Variants in PRKAG2 observed in about 807,000 individuals in gnomAD.
PRKAG2 encodes the protein protein kinase AMP-activated non-catalytic subunit gamma 2.
In PRKAG2, 26 loss-of-function variants were observed where a neutral mutation model predicts 69.6. That is an observed-to-expected ratio of 0.37 (90% CI 0.27 to 0.52). PRKAG2 has a LOEUF of 0.52. Among genes scored for constraint, PRKAG2 ranks in the 20% least tolerant of loss-of-function variants. The pLI is 0.90. For missense variants in PRKAG2, 557 were observed against 740.0 expected (o/e 0.75, Z 2.87); for synonymous variants, 293 against 285.0 (o/e 1.03, Z -0.28).
intron 3 of PRKAG2, among the ~76,000 whole-genome samples, chr7:151,706,846 T>C (rs1838715641): frequency 2.0e-5 from 3 of 152,188 alleles, no homozygotes; most frequent in Admixed American, 2.0e-4. Flanking sequence ...TCCCCATGCA[T>C]CTCAGCCCAA....
At chr7:151,675,695 G>T in intron 3 of PRKAG2, 58 bp from the exon 4 acceptor site, 1 of 1,491,780 alleles carries the variant, frequency 6.7e-7, no homozygotes, top group Non-Finnish European at 9.3e-7. Context: ...GGACGTCGGG[G>T]GTGGTCAGAG....
intron 3 of PRKAG2, among the ~76,000 whole-genome samples, chr7:151,693,684 G>A (rs1836076033): frequency 6.6e-6 from 1 of 152,186 alleles, no homozygotes; most frequent in Non-Finnish European, 1.5e-5. Flanking sequence ...GGTGTTAGGA[G>A]GCCGGGCCTT....
Position 151,807,237 on chromosome 7 carries a change from T to C in PRKAG2, c.115-20696A>G, listed in dbSNP as rs1326580459. 1 of 374,018 alleles carries C rather than the reference T, an allele frequency of 2.7e-6. No individual in the cohort carries two copies. The highest frequency in any genetic ancestry group is 2.1e-5 in the African/African-American group (1 of 47,226). 23.2% of individuals were successfully genotyped at this position (374,018 alleles called of 1,614,324 possible). On this transcript the variant is annotated intron_variant, in intron 1 of 15. Coordinates refer to ENST00000287878, the MANE Select transcript of PRKAG2 (RefSeq NM_016203.4). The surrounding 1 kb of genome is among the most constrained non-coding windows in gnomAD (Gnocchi z 4.4). ...GCATTATATGTAAATCACACCTCAA[T>C]AAAGCTGACCAAAAAGTGGCCAGTC...
chr7:151,675,547 C>G lies in PRKAG2; in HGVS notation c.557G>C (p.Arg186Pro). The G allele has an allele frequency of 6.2e-7, 1 of 1,614,110 alleles. No individual in the cohort carries two copies. The highest frequency in any genetic ancestry group is 8.5e-7 in the Non-Finnish European group (1 of 1,179,926). ...PLESYKHEPE[R>P]LENRIYASSS... is the part of the protein sequence containing the mutation. ...CGAGGCATAGATGCGATTCTCTAAC[C>G]GTTCAGGCTCGTGCTTATAGGATTC... Residue 186 changes from arginine (R) to proline (P), a missense_variant, in exon 4 of 16, where the codon CGG becomes CCG. Arg to Pro is a moderately radical substitution (Grantham distance 103). This residue lies in a region of PRKAG2 where 352 missense variants were observed against 356.7 expected (regional missense o/e 0.99). Coordinates refer to ENST00000287878, the MANE Select transcript of PRKAG2 (RefSeq NM_016203.4).
chr7:151,775,146 G>A (rs546357805), intron 3 of PRKAG2, among the ~76,000 whole-genome samples: 31 of 152,240 alleles, frequency 2.0e-4, no homozygotes, highest in Non-Finnish European at 3.8e-4. Flanking sequence ...CACACATGCT[G>A]GCCAAGGAGG....
At chr7:151,768,257 C>T (rs2075842009) in intron 3 of PRKAG2, among the ~76,000 whole-genome samples, 1 of 152,194 alleles carries the variant, frequency 6.6e-6, no homozygotes, top group Admixed American at 6.5e-5. Context: ...CTCCCCCAAA[C>T]TTCTAGGCTG....
chr7:151,602,921 G>C lies in PRKAG2; in HGVS notation c.755-7467C>G, dbSNP rs111484639. ...TGCCTCTTCCCGTTCAGCCATGATT[G>C]TAAGTTTCCTGAGGCCCCTCCAGCC... On this transcript the variant is annotated intron_variant, in intron 5 of 15. Coordinates refer to ENST00000287878, the MANE Select transcript of PRKAG2 (RefSeq NM_016203.4). Among the ~76,000 whole-genome samples the C allele has an allele frequency of 2.0e-3, 298 of 152,334 alleles. 3 individuals are homozygous for C. Among genetic ancestry groups the C allele is most frequent in the Middle Eastern group, 0.017 (5 of 294 alleles).
In PRKAG2 at chr7:151,836,825, G is replaced by C. The variant is rs956441393; in HGVS notation, c.114+39682C>G. Reference sequence around the variant, plus strand: ...TAATGTCCTGTGACAAATTCACTTAGGACTAAGAAGCCACTGAGAATATTC... The same window carrying C: ...TAATGTCCTGTGACAAATTCACTTACGACTAAGAAGCCACTGAGAATATTC... On this transcript the variant is annotated intron_variant, in intron 1 of 15. Coordinates refer to ENST00000287878, the MANE Select transcript of PRKAG2 (RefSeq NM_016203.4). This position sits in a 1 kb window ranked among gnomAD's most constrained non-coding sequence, Gnocchi z 4.1. Among the ~76,000 whole-genome samples the C allele has an allele frequency of 1.3e-5, 2 of 152,198 alleles. No individual in the cohort carries two copies. Among genetic ancestry groups the C allele is most frequent in the African/African-American group, 2.4e-5 (1 of 41,444 alleles).
Position 151,694,258 on chromosome 7 carries a change from G to A in PRKAG2, c.467-18621C>T, listed in dbSNP as rs9771283. Among the ~76,000 whole-genome samples, 248 of 152,296 alleles carry A rather than the reference G, an allele frequency of 1.6e-3. 1 individual carries two copies. Among genetic ancestry groups the A allele is most frequent in the African/African-American group, 5.6e-3 (232 of 41,558 alleles). On this transcript the variant is annotated intron_variant, in intron 3 of 15. Transcript: ENST00000287878. ...ACGAAGACGCTGAGTTAGCTAATTT[G>A]TTGATCCAAACAGTCCACTCTTTTT...
At chr7:151,867,520 GA>G (rs985231117) in intron 1 of PRKAG2, among the ~76,000 whole-genome samples, 14 of 152,242 alleles carry the variant, frequency 9.2e-5, no homozygotes, top group Admixed American at 6.5e-4. Flanking sequence ...CCTCTTCTTA[GA>G]AGGACTCCAG....
chr7:151,830,026 G>A (rs1206211287), intron 1 of PRKAG2, among the ~76,000 whole-genome samples: 8 of 151,872 alleles, frequency 5.3e-5, no homozygotes, highest in African/African-American at 1.4e-4. Flanking sequence ...CACTTTCTGC[G>A]TTATAGAATC....
At chr7:151,609,669 G>A (rs1004474161) in intron 5 of PRKAG2, among the ~76,000 whole-genome samples, 5 of 152,044 alleles carry the variant, frequency 3.3e-5, no homozygotes, top group African/African-American at 4.8e-5. Flanking sequence ...CAGAGCGTGA[G>A]GACTCACTTC....
intron 3 of PRKAG2, among the ~76,000 whole-genome samples, chr7:151,725,863 C>G (rs944824293): frequency 2.0e-5 from 3 of 152,124 alleles, no homozygotes; most frequent in Admixed American, 2.0e-4. Context: ...CCTCGAAATC[C>G]CGGTGGCTGA....
intron 3 of PRKAG2, among the ~76,000 whole-genome samples, chr7:151,694,705 G>C (rs140683850): frequency 6.6e-6 from 1 of 152,190 alleles, no homozygotes; most frequent in South Asian, 2.1e-4. Flanking sequence ...ATTCCCTCCC[G>C]GCTTTGCCAT....
intron 3 of PRKAG2, among the ~76,000 whole-genome samples, chr7:151,736,789 T>A (rs1247530775): frequency 6.6e-6 from 1 of 152,108 alleles, no homozygotes; most frequent in Non-Finnish European, 1.5e-5. Flanking sequence ...GGCAAATGCG[T>A]AATTTGAGCT....
chr7:151,685,431 T>G (rs1052598181), intron 3 of PRKAG2, among the ~76,000 whole-genome samples: 2 of 152,216 alleles, frequency 1.3e-5, no homozygotes, highest in Non-Finnish European at 2.9e-5. Flanking sequence ...GAGTTTATGG[T>G]TGTCATTTAT....
intron 3 of PRKAG2, among the ~76,000 whole-genome samples, chr7:151,698,737 A>C (rs1311174623): frequency 6.6e-6 from 1 of 152,174 alleles, no homozygotes; most frequent in Non-Finnish European, 1.5e-5. Context: ...GCCCAAACTC[A>C]GATATTTATA....
rs143387625 is a variant in PRKAG2 at position 151,696,834 on chromosome 7, G to A, written c.467-21197C>T. On this transcript the variant is annotated intron_variant, in intron 3 of 15. Transcript: ENST00000287878. The stretch of plus-strand genomic sequence containing the variant: ...AGAGCTGGAGAGTGGGGAGCAGCCC[G>A]GAGTGTCTCCTCTGGCTGGGAGGGG... 4.4e-3 allele frequency among the ~76,000 whole-genome samples: 672 copies of A among 152,290 alleles called. 8 individuals carry two copies. Among genetic ancestry groups the A allele is most frequent in the African/African-American group, 0.015 (609 of 41,576 alleles).
At chr7:151,822,639 G>C (rs2078814871) in intron 1 of PRKAG2, among the ~76,000 whole-genome samples, 1 of 152,202 alleles carries the variant, frequency 6.6e-6, no homozygotes, top group Non-Finnish European at 1.5e-5. Flanking sequence ...GGCACCTGGG[G>C]CAGCTGGCCT....
Sources: gnomAD v4.1 joint callset for allele counts (sites outside exome capture counted in the v4.1 genomes callset) on GRCh38, gnomAD v4.1.1 for gene constraint, gnomAD v4.1.1 regional missense constraint, Gnocchi (gnomAD v3.1) non-coding constraint, MANE v1.5 for transcripts, NCBI Gene and HGNC (gene_info 2026-07-23, HGNC 2026-07-21) for gene names.